The following NCAM1 variants were observed in gnomAD, a reference collection of about 807,000 sequenced individuals.
NCAM1 encodes the protein antigen recognized by monoclonal antibody 5.1H11.
Under a neutral mutation model 109.8 loss-of-function variants are expected in NCAM1, and 14 were observed. That is an observed-to-expected ratio of 0.13 (90% CI 0.08 to 0.20). The LOEUF is 0.20. NCAM1 is among the 10% of genes least tolerant of loss of function. The pLI is 1.00. For missense variants in NCAM1, 774 were observed against 1,109.9 expected (o/e 0.70, Z 4.30); for synonymous variants, 418 against 442.9 (o/e 0.94, Z 0.70).
At chr11:113,026,817 G>A (rs369274218) in intron 1 of NCAM1, among the ~76,000 whole-genome samples, 6 of 152,180 alleles carry the variant, frequency 3.9e-5, no homozygotes, top group African/African-American at 1.4e-4. Context: ...TGAGCTGGAC[G>A]TTTTAATCTC....
intron 1 of NCAM1, among the ~76,000 whole-genome samples, chr11:113,121,347 A>G (rs187475205): frequency 6.6e-6 from 1 of 150,556 alleles, no homozygotes; most frequent in Non-Finnish European, 1.5e-5. Flanking sequence ...CAGTCTCCCA[A>G]GTAGCTGGGA....
chr11:113,252,421 A>AG (rs1260432897), intron 15 of NCAM1, among the ~76,000 whole-genome samples: 120 of 152,006 alleles, frequency 7.9e-4, no homozygotes, highest in African/African-American at 2.8e-3. Flanking sequence ...AAAAAAAAAA[A>AG]AAAGTCATAG....
Position 113,273,591 on chromosome 11 carries a change from G to A in NCAM1, c.2457-1676G>A, listed in dbSNP as rs1242268164. On this transcript the variant is annotated intron_variant, in intron 19 of 19. Transcript: ENST00000316851. This position sits in a 1 kb window ranked among gnomAD's most constrained non-coding sequence, Gnocchi z 6.0. ...TTCCCAGGGCGAGGACTTTAAAATG[G>A]ACGAAGGGAACTTCAAGACCCCAGA... is the stretch of plus-strand genomic sequence containing the variant. 9.1e-6 allele frequency: 4 copies of A among 439,380 alleles called. No homozygotes were observed. Among genetic ancestry groups the A allele is most frequent in the African/African-American group, 2.0e-5 (1 of 49,534 alleles). The allele number at this position is 439,380 out of a possible 1,614,324, so 27.2% of individuals were successfully genotyped here. A position where few individuals can be genotyped will look rare whatever the true frequency, so the allele number is the denominator to read the frequency against.
intron 1 of NCAM1, among the ~76,000 whole-genome samples, chr11:112,994,438 T>A (rs1951539721): frequency 6.6e-6 from 1 of 152,200 alleles, no homozygotes; most frequent in Admixed American, 6.5e-5. Flanking sequence ...AACGTTTTAA[T>A]GCAATCTAAG....
chr11:112,972,223 A>T (rs1950903469), intron 1 of NCAM1, among the ~76,000 whole-genome samples: 3 of 152,068 alleles, frequency 2.0e-5, no homozygotes, highest in Admixed American at 2.0e-4. Context: ...CCTGTTTGGG[A>T]GGTGAATGGA....
intron 15 of NCAM1, among the ~76,000 whole-genome samples, chr11:113,247,917 A>G (rs971087559): frequency 7.2e-5 from 11 of 152,352 alleles, no homozygotes; most frequent in Middle Eastern, 3.4e-3. Flanking sequence ...ACTGTTCAGT[A>G]GCTGATGTTC....
intron 1 of NCAM1, among the ~76,000 whole-genome samples, chr11:113,146,326 A>G (rs1331035097): frequency 6.6e-6 from 1 of 152,238 alleles, no homozygotes; most frequent in African/African-American, 2.4e-5. Context: ...GGTTCTGAAA[A>G]TGAACATAAA....
intron 9 of NCAM1, chr11:113,231,252 AG>A: frequency 6.5e-7 from 1 of 1,536,142 alleles, no homozygotes; most frequent in Non-Finnish European, 8.7e-7. Flanking sequence ...CTGGCAGTGC[AG>A]GTTTCCCAGG....
chr11:113,075,254 A>C (rs1938477358), intron 1 of NCAM1, among the ~76,000 whole-genome samples: 1 of 151,918 alleles, frequency 6.6e-6, no homozygotes, highest in Non-Finnish European at 1.5e-5. Context: ...ATTTTTGTAG[A>C]GATGGGCGTC....
At chr11:113,099,767 C>T (rs566123108) in intron 1 of NCAM1, among the ~76,000 whole-genome samples, 225 of 152,278 alleles carry the variant, frequency 1.5e-3, no homozygotes, top group Non-Finnish European at 1.7e-3. Context: ...CAGCTCACTG[C>T]GACCTCCGCC....
At position 113,239,499 on chromosome 11, in the gene NCAM1, C is replaced by CTTTTTT. The variant is rs55641415; in HGVS notation, c.1825+4354_1825+4359dup. ...TATAGAGATTATGAATGAGTCTCTA[C>CTTTTTT]TTTTTTTTTTTTTTTTTTTTTTTTG... On this transcript the variant is annotated intron_variant, in intron 14 of 19. Transcript: ENST00000316851. Among the ~76,000 whole-genome samples, 422 of 110,088 alleles carry CTTTTTT rather than the reference C, an allele frequency of 3.8e-3. 29 individuals carry two copies. Among genetic ancestry groups the CTTTTTT allele is most frequent in the East Asian group, 0.018 (56 of 3,056 alleles). 72.2% of individuals were successfully genotyped at this position (110,088 alleles called of 152,430 possible).
At position 113,274,100 on chromosome 11, in the gene NCAM1, A is replaced by C. The variant is rs945522412; in HGVS notation, c.2457-1167A>C. Among the ~76,000 whole-genome samples the C allele has an allele frequency of 6.6e-6, 1 of 152,160 alleles. No individual in the cohort carries two copies. The highest frequency in any genetic ancestry group is 1.5e-5 in the Non-Finnish European group (1 of 68,020). On this transcript the variant is annotated intron_variant, in intron 19 of 19. Transcript: ENST00000316851. This position sits in a 1 kb window ranked among gnomAD's most constrained non-coding sequence, Gnocchi z 4.1. ...CCTTATCAGCCACCCTGGGGCCCCC[A>C]GTCGGTGTGTTATTCAGTGCCAGGC...
rs782701226 is a variant in NCAM1, at chr11:113,260,201, T to A, written c.2009T>A (p.Met670Lys). 2.5e-6 allele frequency: 4 copies of A among 1,613,866 alleles called. No individual in the cohort carries two copies. Among genetic ancestry groups the A allele is most frequent in the Non-Finnish European group, 3.4e-6 (4 of 1,179,888 alleles). The part of the protein sequence containing the change: ...IRLPSGSDHV[M>K]LKSLDWNAEY... ...CTCCCGTCTGGCAGTGACCACGTCA[T>A]GCTGAAGTCCCTGGACTGGAATGCT... The change falls in exon 17 of 20, where the codon ATG becomes AAG. Residue 670 changes from methionine (M) to lysine (K), a missense_variant. Transcript: ENST00000316851.
At chr11:113,151,775 C>T (rs1415170092) in intron 1 of NCAM1, among the ~76,000 whole-genome samples, 1 of 152,234 alleles carries the variant, frequency 6.6e-6, no homozygotes, top group Non-Finnish European at 1.5e-5. Context: ...GTTTTCTGAG[C>T]TTTGTTACTC....
chr11:113,056,058 G>T (rs1470233170), intron 1 of NCAM1, among the ~76,000 whole-genome samples: 4 of 126,390 alleles, frequency 3.2e-5, no homozygotes, highest in African/African-American at 1.2e-4. Flanking sequence ...CACACCCAAT[G>T]AAATACTATT....
intron 1 of NCAM1, among the ~76,000 whole-genome samples, chr11:113,007,827 G>A (rs1383964485): frequency 2.0e-5 from 3 of 152,232 alleles, no homozygotes; most frequent in African/African-American, 7.2e-5. Context: ...GGCTTGAATG[G>A]TTTGGAGTCA....
intron 1 of NCAM1, among the ~76,000 whole-genome samples, chr11:113,059,384 G>T (rs183418315): frequency 2.2e-4 from 34 of 152,278 alleles, no homozygotes; most frequent in Non-Finnish European, 3.1e-4. Context: ...TGTGAATCAG[G>T]AGTTCAGGAA....
At chr11:113,241,462 A>T (rs1160640948) in intron 14 of NCAM1, among the ~76,000 whole-genome samples, 5 of 152,140 alleles carry the variant, frequency 3.3e-5, no homozygotes, top group African/African-American at 9.7e-5. Context: ...ATGAGTAGTC[A>T]CCCACGTCCC....
At chr11:113,168,367 G>A (rs1453673435) in intron 1 of NCAM1, among the ~76,000 whole-genome samples, 1 of 152,130 alleles carries the variant, frequency 6.6e-6, no homozygotes, top group East Asian at 1.9e-4. Context: ...GCTCACATCT[G>A]TTATTCCAAG....
Sources: gnomAD v4.1 joint callset for allele counts (sites outside exome capture counted in the v4.1 genomes callset) on GRCh38, gnomAD v4.1.1 for gene constraint, Gnocchi (gnomAD v3.1) non-coding constraint, MANE v1.5 for transcripts, NCBI Gene and HGNC (gene_info 2026-07-23, HGNC 2026-07-21) for gene names.